The following EPHA6 variants were observed in gnomAD, a reference collection of about 807,000 sequenced individuals.
The protein encoded by EPHA6 is EPH receptor A6.
A neutral mutation model predicts 112.0 loss-of-function variants in EPHA6; 50 were observed. That is an observed-to-expected ratio of 0.45 (90% confidence interval 0.36 to 0.56). The LOEUF (loss-of-function observed/expected upper bound fraction) is 0.56, where lower values mean the gene tolerates loss of function less well. Ranked by LOEUF, EPHA6 falls within the 20% of genes least tolerant of loss-of-function variation. EPHA6 has a pLI of 0.00. For missense variants in EPHA6, 1,280 were observed against 1,417.4 expected (o/e 0.90, Z 1.56); for synonymous variants, 529 against 490.7 (o/e 1.08, Z -1.03).
intron 11 of EPHA6, among the ~76,000 whole-genome samples, chr3:97,539,011 CTT>C (rs772216965): frequency 2.7e-5 from 4 of 150,178 alleles, no homozygotes; most frequent in Non-Finnish European, 5.9e-5. Context: ...TTCTTTCTTT[CTT>C]TCTTTCTTTC....
intron 2 of EPHA6, among the ~76,000 whole-genome samples, chr3:96,925,772 A>T (rs2107641974): frequency 6.6e-6 from 1 of 151,972 alleles, no homozygotes; most frequent in South Asian, 2.1e-4. Context: ...TGCCTGGCTA[A>T]TTTTTGTAAT....
At chr3:97,614,334 CTTTT>C (rs11288058) in intron 13 of EPHA6, among the ~76,000 whole-genome samples, 4 of 124,752 alleles carry the variant, frequency 3.2e-5, no homozygotes, top group Non-Finnish European at 4.9e-5. Context: ...GGTATACTTA[CTTTT>C]TTTTTTTTTT....
Position 97,546,604 on chromosome 3 carries a change from G to A in EPHA6, c.2386+14061G>A, listed in dbSNP as rs551108831. Among the ~76,000 whole-genome samples the A allele has an allele frequency of 3.8e-4, 58 of 152,218 alleles. No homozygotes were observed. The South Asian group carries it at 4.4e-3, about 11-fold the overall frequency. ...TTCTCTGTATTTCCTGAATTTGAAT[G>A]TTGGCCTGCCTTGCTATATTTGGGA... is the stretch of plus-strand genomic sequence containing the variant. On this transcript the variant is annotated intron_variant, in intron 11 of 17. Transcript: ENST00000389672.
intron 1 of EPHA6, among the ~76,000 whole-genome samples, chr3:96,848,346 C>A (rs553706275): frequency 1.3e-5 from 2 of 151,916 alleles, no homozygotes; most frequent in Non-Finnish European, 2.9e-5. Flanking sequence ...GTTACCAAAT[C>A]AATTGTTATA....
chr3:96,919,633 C>T (rs752029222), intron 2 of EPHA6, among the ~76,000 whole-genome samples: 3 of 151,748 alleles, frequency 2.0e-5, no homozygotes, highest in Admixed American at 6.6e-5. Context: ...TTGTAGGTAT[C>T]GGATACTATT....
chr3:97,526,550 G>T (rs1292277493), intron 10 of EPHA6, among the ~76,000 whole-genome samples: 1 of 152,176 alleles, frequency 6.6e-6, no homozygotes, highest in East Asian at 1.9e-4. Context: ...TCTGAGAGGG[G>T]CTAGAGCTGA....
chr3:96,921,567 T>C (rs1481340303), intron 2 of EPHA6, among the ~76,000 whole-genome samples: 1 of 152,068 alleles, frequency 6.6e-6, no homozygotes, highest in African/African-American at 2.4e-5. Flanking sequence ...TTTTGAATTA[T>C]TTTAAATACA....
intron 4 of EPHA6, among the ~76,000 whole-genome samples, chr3:97,243,271 A>G (rs1020931338): frequency 4.1e-4 from 62 of 151,816 alleles, no homozygotes; most frequent in African/African-American, 1.4e-3. Flanking sequence ...ATCTAAATGA[A>G]AGTCCTGCCA....
rs2084804419 is a variant in EPHA6 at position 97,367,535 on chromosome 3, A to G, written c.1607-37615A>G. ...GCTTACTCCCTTCTCCTAAGTCCGA[A>G]GATGGTAACAGTTGTGTTGGGGGGT... On this transcript the variant is annotated intron_variant, in intron 5 of 17. Transcript: ENST00000389672. 2.0e-5 allele frequency among the ~76,000 whole-genome samples: 3 copies of G among 151,976 alleles called. No individual in the cohort carries two copies. The South Asian group carries it at 6.3e-4, about 32-fold the overall frequency.
At chr3:96,846,900 C>T (rs981444800) in intron 1 of EPHA6, among the ~76,000 whole-genome samples, 2 of 152,000 alleles carry the variant, frequency 1.3e-5, no homozygotes, top group Non-Finnish European at 2.9e-5. Context: ...CAGACTGCTG[C>T]TGGAGTCTCA....
chr3:97,101,514 C>T (rs2047402521), intron 3 of EPHA6, among the ~76,000 whole-genome samples: 1 of 151,972 alleles, frequency 6.6e-6, no homozygotes, highest in South Asian at 2.1e-4. Context: ...CCAAAAGGCC[C>T]AGTGTGTCTC....
At chr3:96,965,358 T>C (rs982702008) in intron 2 of EPHA6, among the ~76,000 whole-genome samples, 3 of 152,284 alleles carry the variant, frequency 2.0e-5, no homozygotes, top group Non-Finnish European at 4.4e-5. Context: ...AAATTGGTTT[T>C]TCATTTTTAC....
chr3:97,253,304 T>C (rs1025810858), intron 5 of EPHA6, among the ~76,000 whole-genome samples: 5 of 152,204 alleles, frequency 3.3e-5, no homozygotes, highest in Non-Finnish European at 7.4e-5. Context: ...ACATTTATTC[T>C]GTTAGGTAGT....
chr3:96,989,039 TA>T (rs1424389679), intron 3 of EPHA6, among the ~76,000 whole-genome samples: 13 of 152,224 alleles, frequency 8.5e-5, no homozygotes, highest in African/African-American at 3.1e-4. Flanking sequence ...TAAATAGTAA[TA>T]TACCGGAGAT....
intron 4 of EPHA6, among the ~76,000 whole-genome samples, chr3:97,243,743 A>C (rs1224630068): frequency 6.6e-6 from 1 of 151,898 alleles, no homozygotes; most frequent in Non-Finnish European, 1.5e-5. Flanking sequence ...TACTCCAAAA[A>C]TTTATGATAT....
chr3:96,913,161 TAC>T (rs768422240), intron 2 of EPHA6, among the ~76,000 whole-genome samples: 28,681 of 122,712 alleles, frequency 0.23, 3,073 homozygotes, highest in Non-Finnish European at 0.25. Context: ...AGACCCCGTC[TAC>T]ACACACACAC....
intron 5 of EPHA6, among the ~76,000 whole-genome samples, chr3:97,350,267 G>A (rs1257693781): frequency 6.6e-6 from 1 of 152,054 alleles, no homozygotes; most frequent in African/African-American, 2.4e-5. Flanking sequence ...CCTAGGCCCT[G>A]AGAAACATGG....
chr3:96,839,640 C>G lies in EPHA6; in HGVS notation c.385+24632C>G, dbSNP rs182733155. Among the ~76,000 whole-genome samples the G allele has an allele frequency of 6.1e-3, 916 of 151,356 alleles. 10 individuals carry two copies. Among genetic ancestry groups the G allele is most frequent in the Non-Finnish European group, 0.011 (713 of 67,834 alleles). ...AGAATTAATATTTTAGAATGCTTACCCTGGAAATGAGGAATGCTATGGAGA... is the reference window on the plus strand; with the variant it reads ...AGAATTAATATTTTAGAATGCTTACGCTGGAAATGAGGAATGCTATGGAGA... On this transcript the variant is annotated intron_variant, in intron 1 of 17. Coordinates refer to ENST00000389672, the MANE Select transcript of EPHA6 (RefSeq NM_001080448.3).
At chr3:97,228,810 G>GTACTATCC (rs2078437624) in intron 4 of EPHA6, among the ~76,000 whole-genome samples, 3 of 151,982 alleles carry the variant, frequency 2.0e-5, no homozygotes, top group Non-Finnish European at 4.4e-5. Context: ...CGTTATCCGT[G>GTACTATCC]GTAGTTGTAC....
Sources: gnomAD v4.1 joint callset for allele counts (sites outside exome capture counted in the v4.1 genomes callset) on GRCh38, gnomAD v4.1.1 for gene constraint, MANE v1.5 for transcripts, NCBI Gene and HGNC (gene_info 2026-07-23, HGNC 2026-07-21) for gene names.